The following MFHAS1 variants were observed in gnomAD, a reference collection of about 807,000 sequenced individuals.
MFHAS1 encodes malignant fibrous histiocytoma-amplified sequence 1.
MFHAS1 carries 50 observed loss-of-function variants against 70.4 expected under a neutral mutation model. That is an observed-to-expected ratio of 0.71 (90% CI 0.57 to 0.90). MFHAS1 has a LOEUF of 0.90. Ranked by LOEUF, MFHAS1 falls within the 40% of genes least tolerant of loss-of-function variation. The pLI, the probability that MFHAS1 is intolerant of heterozygous loss-of-function variation, is 0.00. For synonymous variants in MFHAS1, 952 were observed against 620.0 expected (o/e 1.54, Z -7.96); for missense variants, 1,795 against 1,347.6 (o/e 1.33, Z -5.20).
chr8:8,882,845 A>G (rs943918206), intron 1 of MFHAS1, among the ~76,000 whole-genome samples: 9 of 151,996 alleles, frequency 5.9e-5, no homozygotes, highest in African/African-American at 2.2e-4. Flanking sequence ...CCAGCAATTA[A>G]TGTTGCAATC....
intron 1 of MFHAS1, among the ~76,000 whole-genome samples, chr8:8,878,863 G>C (rs898388668): frequency 6.6e-6 from 1 of 152,090 alleles, no homozygotes; most frequent in South Asian, 2.1e-4. Flanking sequence ...CATTTAATAT[G>C]CTAATAGTAC....
At position 8,785,928 on chromosome 8, in the gene MFHAS1, G is replaced by A. The variant is rs903642669; in HGVS notation, c.*94C>T. 2.5e-5 allele frequency: 28 copies of A among 1,109,878 alleles called. No individual in the cohort carries two copies. The highest frequency in any genetic ancestry group is 2.2e-4 in the East Asian group (5 of 22,768). The allele number at this position is 1,109,878 out of a possible 1,614,324, so 68.8% of individuals were successfully genotyped here. A position where few individuals can be genotyped will look rare whatever the true frequency, so the allele number is the denominator to read the frequency against. ...GTTGTCACTCAAGTTCACAGAACAC[G>A]CTGGGGTGAGTGCAGAGGGTCTGCC... On this transcript the variant is annotated 3_prime_UTR_variant, in exon 3 of 3. Coordinates refer to ENST00000276282, the MANE Select transcript of MFHAS1 (RefSeq NM_004225.3).
chr8:8,863,026 T>C (rs958693399), intron 1 of MFHAS1, among the ~76,000 whole-genome samples: 5 of 152,244 alleles, frequency 3.3e-5, no homozygotes, highest in African/African-American at 1.2e-4. Context: ...TTTGTGTATA[T>C]AGTACAAGGA....
intron 1 of MFHAS1, among the ~76,000 whole-genome samples, chr8:8,840,094 C>A (rs966817808): frequency 1.3e-5 from 2 of 152,112 alleles, no homozygotes; most frequent in African/African-American, 4.8e-5. Flanking sequence ...AAAGACATAT[C>A]CAAGCACCTA....
intron 1 of MFHAS1, among the ~76,000 whole-genome samples, chr8:8,830,954 G>A (rs965895664): frequency 3.3e-5 from 5 of 152,142 alleles, no homozygotes; most frequent in Non-Finnish European, 7.3e-5. Context: ...GTCTTAGTCT[G>A]CTCAGGTTGC....
chr8:8,830,213 T>A (rs557944101), intron 1 of MFHAS1, among the ~76,000 whole-genome samples: 43 of 152,272 alleles, frequency 2.8e-4, no homozygotes, highest in African/African-American at 9.1e-4. Context: ...GAGTTCTGTG[T>A]CAGGAAACAC....
intron 1 of MFHAS1, among the ~76,000 whole-genome samples, chr8:8,886,681 T>C (rs78143017): frequency 0.038 from 5,819 of 152,272 alleles, 335 homozygotes; most frequent in African/African-American, 0.13. Context: ...TATTTACTTT[T>C]ACTGTAACAT....
chr8:8,846,371 G>C (rs1422758315), intron 1 of MFHAS1, among the ~76,000 whole-genome samples: 1 of 149,372 alleles, frequency 6.7e-6, no homozygotes, highest in Non-Finnish European at 1.5e-5. Flanking sequence ...AGGAGAAGGA[G>C]AAGGAGAAGA....
chr8:8,812,753 G>A (rs1298582650), intron 1 of MFHAS1, among the ~76,000 whole-genome samples: 1 of 152,062 alleles, frequency 6.6e-6, no homozygotes, highest in East Asian at 1.9e-4. Flanking sequence ...AATACAGTCA[G>A]GCACTGTCTA....
chr8:8,851,747 A>G (rs753701885), intron 1 of MFHAS1, among the ~76,000 whole-genome samples: 9 of 152,332 alleles, frequency 5.9e-5, no homozygotes, highest in Admixed American at 1.3e-4. Flanking sequence ...TAAAATAAGA[A>G]CAAATACAGG....
chr8:8,850,013 G>C (rs1021947618), intron 1 of MFHAS1, among the ~76,000 whole-genome samples: 1 of 152,232 alleles, frequency 6.6e-6, no homozygotes, highest in Admixed American at 6.5e-5. Context: ...GAGAGAGTTT[G>C]AAATCTTTAC....
chr8:8,808,344 C>T (rs1014249178), intron 1 of MFHAS1, among the ~76,000 whole-genome samples: 2 of 152,198 alleles, frequency 1.3e-5, no homozygotes, highest in South Asian at 2.1e-4. Context: ...AGTGTCCCCA[C>T]GCTGTAAACG....
chr8:8,849,629 T>C (rs1322487791), intron 1 of MFHAS1, among the ~76,000 whole-genome samples: 4 of 152,192 alleles, frequency 2.6e-5, no homozygotes, highest in African/African-American at 9.7e-5. Context: ...GGGCTGAAAA[T>C]GCATTTTGTG....
chr8:8,885,993 C>A (rs1052343501), intron 1 of MFHAS1, among the ~76,000 whole-genome samples: 7 of 152,142 alleles, frequency 4.6e-5, no homozygotes, highest in African/African-American at 1.7e-4. Context: ...TCATCATAGG[C>A]CATCTCCGAG....
At chr8:8,876,463 G>A (rs1432960041) in intron 1 of MFHAS1, among the ~76,000 whole-genome samples, 8 of 152,054 alleles carry the variant, frequency 5.3e-5, no homozygotes, top group Non-Finnish European at 7.4e-5. Context: ...GGCCGGGCGT[G>A]GTGGCACATG....
chr8:8,874,771 T>C (rs934111746), intron 1 of MFHAS1, among the ~76,000 whole-genome samples: 1 of 151,898 alleles, frequency 6.6e-6, no homozygotes, highest in African/African-American at 2.4e-5. Context: ...CTGAATGAAA[T>C]TTGAAACTTC....
chr8:8,797,616 G>T, intron 1 of MFHAS1, 125 bp from the exon 2 acceptor site: 1 of 1,107,494 alleles, frequency 9.0e-7, no homozygotes, highest in Non-Finnish European at 1.3e-6. Context: ...AACGAAGGAT[G>T]TGAGAACAAA....
chr8:8,795,020 A>G (rs948179308), intron 2 of MFHAS1, among the ~76,000 whole-genome samples: 2 of 152,356 alleles, frequency 1.3e-5, no homozygotes, highest in African/African-American at 2.4e-5. Context: ...GCAAATGGAT[A>G]TTTTAACTCC....
chr8:8,852,161 T>C (rs1208009437), intron 1 of MFHAS1, among the ~76,000 whole-genome samples: 1 of 152,072 alleles, frequency 6.6e-6, no homozygotes, highest in Non-Finnish European at 1.5e-5. Flanking sequence ...AAGGTATAAA[T>C]GTCATTAGCG....
Sources: allele counts gnomAD v4.1 joint callset (sites outside exome capture counted in the v4.1 genomes callset), GRCh38; gene constraint gnomAD v4.1.1; transcripts MANE v1.5; gene names NCBI Gene and HGNC (gene_info 2026-07-23, HGNC 2026-07-21).